The following DOCK3 variants were observed in gnomAD, a reference collection of about 807,000 sequenced individuals.
The protein encoded by DOCK3 is dedicator of cytokinesis 3.
A neutral mutation model predicts 265.6 loss-of-function variants in DOCK3; 60 were observed. That is an observed-to-expected ratio of 0.23 (90% CI 0.18 to 0.28). The LOEUF (loss-of-function observed/expected upper bound fraction) is 0.28. Ranked by LOEUF, DOCK3 falls within the 10% of genes least tolerant of loss-of-function variation. The probability of loss-of-function intolerance (pLI) is 1.00; values close to 1 mark genes in which losing one functional copy is unlikely to be tolerated. For synonymous variants in DOCK3, 881 were observed against 938.0 expected, an observed-to-expected ratio of 0.94 and a Z score of 1.11; for missense variants, 1,981 against 2,594.3, an observed-to-expected ratio of 0.76 and a Z score of 5.14.
intron 27 of DOCK3, among the ~76,000 whole-genome samples, chr3:51,286,606 A>T (rs921278989): frequency 7.2e-5 from 11 of 152,176 alleles, no homozygotes; most frequent in African/African-American, 2.7e-4. Flanking sequence ...CATGGTACGG[A>T]TACAAAAAAT....
chr3:51,129,455 T>C (rs769939175), intron 9 of DOCK3, among the ~76,000 whole-genome samples: 1 of 152,202 alleles, frequency 6.6e-6, no homozygotes, highest in Non-Finnish European at 1.5e-5. Context: ...TTTGAACCAT[T>C]TCCTCATGTA....
Position 50,834,745 on chromosome 3 carries a change from A to C in DOCK3, c.122-6930A>C, listed in dbSNP as rs75377711. On this transcript the variant is annotated intron_variant, in intron 2 of 52. Transcript: ENST00000266037. Reference sequence around the variant, plus strand: ...TCATTTAGCCAAAATGGTAACTCAAACATTTAAAAAAGGCAAAAACTAAGA... The same window carrying C: ...TCATTTAGCCAAAATGGTAACTCAACCATTTAAAAAAGGCAAAAACTAAGA... 6.4e-3 allele frequency among the ~76,000 whole-genome samples: 978 copies of C among 152,348 alleles called. 6 individuals are homozygous for C. Among genetic ancestry groups the C allele is most frequent in the Non-Finnish European group, 0.011 (753 of 68,024 alleles).
At chr3:50,735,812 C>T (rs752168931) in intron 1 of DOCK3, among the ~76,000 whole-genome samples, 2 of 152,122 alleles carry the variant, frequency 1.3e-5, no homozygotes, top group African/African-American at 4.8e-5. Context: ...CATGGTTCTG[C>T]GGCTATACAG....
chr3:51,139,258 G>GC (rs894769793), intron 9 of DOCK3, among the ~76,000 whole-genome samples: 14 of 150,244 alleles, frequency 9.3e-5, no homozygotes, highest in African/African-American at 3.5e-4. Flanking sequence ...CTGCAGTGGG[G>GC]GGAGGGCTAA....
intron 9 of DOCK3, among the ~76,000 whole-genome samples, chr3:51,130,924 T>G (rs2106937956): frequency 6.6e-6 from 1 of 152,258 alleles, no homozygotes; most frequent in African/African-American, 2.4e-5. Flanking sequence ...CCCAGGCTGG[T>G]CTCAAACTTC....
intron 3 of DOCK3, among the ~76,000 whole-genome samples, chr3:50,856,028 A>G (rs973500459): frequency 1.3e-5 from 2 of 152,318 alleles, no homozygotes; most frequent in South Asian, 4.1e-4. Flanking sequence ...ATTCCTTTTT[A>G]TGGCTGCATA....
intron 39 of DOCK3, among the ~76,000 whole-genome samples, chr3:51,349,484 C>T (rs1193510934): frequency 6.6e-6 from 1 of 152,230 alleles, no homozygotes; most frequent in Non-Finnish European, 1.5e-5. Flanking sequence ...AGTCTCAACT[C>T]ACCCTTTCTG....
chr3:51,348,206 G>T (rs765148768), intron 38 of DOCK3, among the ~76,000 whole-genome samples: 28 of 152,162 alleles, frequency 1.8e-4, no homozygotes, highest in Non-Finnish European at 3.2e-4. Flanking sequence ...GCATGTTGCT[G>T]TAACAAGAGC....
chr3:51,101,502 A>C (rs544049209), intron 9 of DOCK3, among the ~76,000 whole-genome samples: 8 of 152,332 alleles, frequency 5.3e-5, no homozygotes, highest in South Asian at 2.1e-4. Flanking sequence ...TTGTGGTAGA[A>C]TGATACTCCA....
At chr3:50,897,688 G>C (rs1334382468) in intron 4 of DOCK3, among the ~76,000 whole-genome samples, 2 of 149,240 alleles carry the variant, frequency 1.3e-5, no homozygotes, top group Non-Finnish European at 3.0e-5. Context: ...TAGCCTAAAG[G>C]GGTGTAGAAT....
intron 5 of DOCK3, among the ~76,000 whole-genome samples, chr3:50,943,805 G>C (rs1333935549): frequency 6.6e-6 from 1 of 152,026 alleles, no homozygotes; most frequent in East Asian, 1.9e-4. Flanking sequence ...ATTCTTTGGT[G>C]GTTTTGTGGA....
At chr3:51,054,608 A>G (rs2081130667) in intron 5 of DOCK3, among the ~76,000 whole-genome samples, 2 of 152,160 alleles carry the variant, frequency 1.3e-5, no homozygotes, top group Non-Finnish European at 2.9e-5. Flanking sequence ...AGAGTTGGAC[A>G]TCTTCAAATG....
At chr3:51,198,896 G>T (rs1378861255) in intron 12 of DOCK3, among the ~76,000 whole-genome samples, 1 of 152,168 alleles carries the variant, frequency 6.6e-6, no homozygotes, top group African/African-American at 2.4e-5. Context: ...AAGTGTGGCA[G>T]TGGGTGCCTG....
intron 2 of DOCK3, among the ~76,000 whole-genome samples, chr3:50,819,099 T>A (rs1222812747): frequency 6.6e-6 from 1 of 152,214 alleles, no homozygotes; most frequent in Non-Finnish European, 1.5e-5. Flanking sequence ...TTTTTCTCCG[T>A]ATAGCTCCCT....
intron 1 of DOCK3, among the ~76,000 whole-genome samples, chr3:50,728,829 T>C (rs996016561): frequency 2.0e-5 from 3 of 151,150 alleles, no homozygotes; most frequent in African/African-American, 7.3e-5. Context: ...TTCAAGCAAT[T>C]CTCCTGCCTC....
chr3:51,073,483 G>A (rs1319499007), intron 6 of DOCK3, among the ~76,000 whole-genome samples: 1 of 152,198 alleles, frequency 6.6e-6, no homozygotes, highest in African/African-American at 2.4e-5. Context: ...ATGGAATGGA[G>A]TGTTTCTTTG....
chr3:51,235,416 C>T (rs1418392205), intron 19 of DOCK3, among the ~76,000 whole-genome samples: 1 of 152,140 alleles, frequency 6.6e-6, no homozygotes, highest in East Asian at 1.9e-4. Flanking sequence ...AATAATTTGT[C>T]TCCAGCTAGC....
chr3:50,677,984 C>T (rs1166480059), intron 1 of DOCK3, among the ~76,000 whole-genome samples: 1 of 151,972 alleles, frequency 6.6e-6, no homozygotes, highest in East Asian at 1.9e-4. Flanking sequence ...GGGACTCTCA[C>T]TTAGGTAACC....
At chr3:51,185,618 C>T (rs900563433) in intron 12 of DOCK3, among the ~76,000 whole-genome samples, 7 of 152,088 alleles carry the variant, frequency 4.6e-5, no homozygotes, top group African/African-American at 1.7e-4. Flanking sequence ...TATGGCTTGG[C>T]TCTGTGTCCC....
Sources: gnomAD v4.1 joint callset for allele counts (sites outside exome capture counted in the v4.1 genomes callset) on GRCh38, gnomAD v4.1.1 for gene constraint, MANE v1.5 for transcripts, NCBI Gene and HGNC (gene_info 2026-07-23, HGNC 2026-07-21) for gene names.